The following GABBR2 variants were observed in gnomAD, a reference collection of about 807,000 sequenced individuals.
The protein encoded by GABBR2 is G-protein coupled receptor 51.
Under a neutral mutation model 105.6 loss-of-function variants are expected in GABBR2, and 23 were observed. The observed-to-expected ratio is 0.22, with a 90% CI of 0.16 to 0.31. GABBR2 has a LOEUF of 0.31. Ranked by LOEUF, GABBR2 falls within the 10% of genes least tolerant of loss-of-function variation. The pLI, the probability that GABBR2 is intolerant of heterozygous loss-of-function variation, is 1.00. For missense variants in GABBR2, 734 were observed against 1,245.5 expected (o/e 0.59, Z 6.18); for synonymous variants, 478 against 499.7 (o/e 0.96, Z 0.58).
chr9:98,343,632 G>A (rs1364413892), intron 13 of GABBR2, among the ~76,000 whole-genome samples: 1 of 152,192 alleles, frequency 6.6e-6, no homozygotes, highest in Non-Finnish European at 1.5e-5. Flanking sequence ...GGCCGAGGCA[G>A]GCAGATCATG....
intron 12 of GABBR2, among the ~76,000 whole-genome samples, chr9:98,365,446 T>C (rs1395891472): frequency 6.6e-6 from 1 of 152,204 alleles, no homozygotes; most frequent in Non-Finnish European, 1.5e-5. Flanking sequence ...CTAATCATCA[T>C]GTGTGGATGG....
chr9:98,532,698 A>G (rs189164692), intron 3 of GABBR2, among the ~76,000 whole-genome samples: 182 of 152,288 alleles, frequency 1.2e-3, no homozygotes, highest in African/African-American at 4.1e-3. Context: ...CCCATCCCAC[A>G]GTGTCTGATT....
intron 7 of GABBR2, among the ~76,000 whole-genome samples, chr9:98,415,641 A>G (rs531634446): frequency 3.2e-4 from 49 of 152,314 alleles, no homozygotes; most frequent in African/African-American, 1.1e-3. Context: ...TGCGTTATTT[A>G]AGATTTTTTT....
Position 98,496,531 on chromosome 9 carries a change from A to G in GABBR2, c.631-17T>C, listed in dbSNP as rs1827284163. 13 of 1,560,402 alleles carry G rather than the reference A, an allele frequency of 8.3e-6. No homozygotes were observed. The highest frequency in any genetic ancestry group is 1.1e-5 in the Non-Finnish European group (12 of 1,131,542). On this transcript the variant is annotated splice_polypyrimidine_tract_variant and intron_variant, in intron 3 of 18. Transcript: ENST00000259455. ...ATTCCGCACCTGTCAGCAAAGAGAA[A>G]GCAGAGGGTGGGTGTGCTGGGGACC...
rs551427608 is a variant in GABBR2 at position 98,312,195 on chromosome 9, G to A, written c.1894-990C>T. The stretch of plus-strand genomic sequence containing the variant: ...AGATTTTGCCAATTGGCTTAATAAC[G>A]TCCTTTAAAGCAACTGTGGATTTTC... On this transcript the variant is annotated intron_variant, in intron 13 of 18. Coordinates refer to ENST00000259455, the MANE Select transcript of GABBR2 (RefSeq NM_005458.8). Among the ~76,000 whole-genome samples the A allele has an allele frequency of 9.9e-5, 15 of 152,216 alleles. No individual in the cohort carries two copies. The South Asian group carries it at 1.9e-3, about 19-fold the overall frequency.
At chr9:98,666,344 C>T (rs1367641074) in intron 1 of GABBR2, among the ~76,000 whole-genome samples, 1 of 152,176 alleles carries the variant, frequency 6.6e-6, no homozygotes, top group African/African-American at 2.4e-5. Flanking sequence ...CGGAATGGCT[C>T]CACTCAGGAT....
intron 14 of GABBR2, among the ~76,000 whole-genome samples, chr9:98,310,278 C>T (rs956357082): frequency 6.6e-5 from 10 of 151,744 alleles, no homozygotes; most frequent in East Asian, 1.9e-4. Flanking sequence ...GACGGAGTTT[C>T]GCTCTTGTTG....
At chr9:98,372,700 A>G (rs1831806238) in intron 11 of GABBR2, among the ~76,000 whole-genome samples, 2 of 152,206 alleles carry the variant, frequency 1.3e-5, no homozygotes, top group African/African-American at 2.4e-5. Context: ...AGTTTCCAAG[A>G]AATGTTCCCA....
intron 2 of GABBR2, 112 bp downstream of exon 2, chr9:98,577,823 G>C (rs1424077286): frequency 4.8e-6 from 5 of 1,041,506 alleles, no homozygotes; most frequent in Non-Finnish European, 5.5e-6. Context: ...GAAAGTCCAG[G>C]AGGCCTGACC....
At chr9:98,699,181 G>A (rs892054385) in intron 1 of GABBR2, among the ~76,000 whole-genome samples, 20 of 152,186 alleles carry the variant, frequency 1.3e-4, no homozygotes, top group African/African-American at 4.8e-4. Flanking sequence ...TTAGCGTATT[G>A]CTCCAATAAA....
intron 1 of GABBR2, among the ~76,000 whole-genome samples, chr9:98,666,517 G>C (rs1196530215): frequency 6.6e-6 from 1 of 152,204 alleles, no homozygotes; most frequent in East Asian, 1.9e-4. Context: ...CTAAGCACTT[G>C]AAATGTGGTT....
intron 1 of GABBR2, among the ~76,000 whole-genome samples, chr9:98,686,201 AC>A (rs1424205465): frequency 1.3e-5 from 2 of 151,918 alleles, no homozygotes; most frequent in African/African-American, 4.8e-5. Context: ...TTCACCAAGA[AC>A]CCTGTCTAGT....
intron 1 of GABBR2, among the ~76,000 whole-genome samples, chr9:98,620,207 T>A (rs1013281320): frequency 4.6e-5 from 7 of 151,980 alleles, no homozygotes; most frequent in Non-Finnish European, 7.3e-5. Context: ...AATACTCATA[T>A]ACCTGTTGTC....
At chr9:98,505,812 G>A (rs1827498856) in intron 3 of GABBR2, among the ~76,000 whole-genome samples, 1 of 152,212 alleles carries the variant, frequency 6.6e-6, no homozygotes, top group South Asian at 2.1e-4. Flanking sequence ...CTCTCCTAGA[G>A]ACTCCAGGGC....
intron 1 of GABBR2, among the ~76,000 whole-genome samples, chr9:98,594,614 A>G (rs1340759846): frequency 6.6e-6 from 1 of 152,174 alleles, no homozygotes; most frequent in East Asian, 1.9e-4. Flanking sequence ...GCCTCTGGGG[A>G]AGCCCCTCGG....
chr9:98,670,320 C>T (rs1213704916), intron 1 of GABBR2, among the ~76,000 whole-genome samples: 1 of 150,026 alleles, frequency 6.7e-6, no homozygotes, highest in East Asian at 1.9e-4. Flanking sequence ...ATGGCCACTA[C>T]CAAAAAAGTC....
chr9:98,495,844 TA>T (rs1827267106), intron 4 of GABBR2: 1 of 152,710 alleles, frequency 6.5e-6, no homozygotes, highest in Admixed American at 6.5e-5. Flanking sequence ...ATGCTGGGAG[TA>T]ACCTGAGGAC....
chr9:98,467,589 G>T (rs1826587344), intron 6 of GABBR2, among the ~76,000 whole-genome samples: 1 of 152,174 alleles, frequency 6.6e-6, no homozygotes, highest in African/African-American at 2.4e-5. Flanking sequence ...TCTTTGTCAC[G>T]GTGCTCACAG....
intron 13 of GABBR2, among the ~76,000 whole-genome samples, chr9:98,349,362 T>G (rs1831356652): frequency 7.2e-6 from 1 of 137,958 alleles, no homozygotes; most frequent in African/African-American, 2.9e-5. Context: ...TTTTTTTTTT[T>G]TTTTTTTTTT....
Sources: gnomAD v4.1 joint callset for allele counts (sites outside exome capture counted in the v4.1 genomes callset) on GRCh38, gnomAD v4.1.1 for gene constraint, MANE v1.5 for transcripts, NCBI Gene and HGNC (gene_info 2026-07-23, HGNC 2026-07-21) for gene names.